Variants in ARHGAP30 observed in about 807,000 individuals in gnomAD.
ARHGAP30 encodes Rho GTPase activating protein 30, also known as rho GTPase-activating protein 30.
Under a neutral mutation model 72.0 loss-of-function variants are expected in ARHGAP30, and 23 were observed. That is an observed-to-expected ratio of 0.32 (90% CI 0.23 to 0.45). The LOEUF (loss-of-function observed/expected upper bound fraction) is 0.45. Among genes scored for constraint, ARHGAP30 ranks in the 20% least tolerant of loss-of-function variants. The pLI is 1.00. For synonymous variants in ARHGAP30, 576 were observed against 528.2 expected (o/e 1.09, Z -1.24); for missense variants, 1,319 against 1,383.4 (o/e 0.95, Z 0.74).
chr1:161,049,370 C>T, intron 11 of ARHGAP30, 36 bp from the exon 12 acceptor site: 1 of 1,600,406 alleles, frequency 6.2e-7, no homozygotes, highest in Non-Finnish European at 8.5e-7. Flanking sequence ...GACCAGGAGG[C>T]CCTGTCCACC....
chr1:161,064,803 G>GAA (rs1341248043), intron 1 of ARHGAP30, among the ~76,000 whole-genome samples: 1 of 63,794 alleles, frequency 1.6e-5, no homozygotes, highest in Admixed American at 1.6e-4. Context: ...AAGAAAGAAA[G>GAA]AAAGAAAGAA....
In ARHGAP30 at chr1:161,056,499, C is replaced by G; in HGVS notation, c.234G>C (p.Leu78=). The G allele has an allele frequency of 6.2e-7, 1 of 1,613,966 alleles. No individual in the cohort carries two copies. The highest frequency in any genetic ancestry group is 8.5e-7 in the Non-Finnish European group (1 of 1,180,000). The change falls in exon 3 of 12, where the codon CTG becomes CTC. Residue 78 remains leucine (L), a synonymous_variant. Coordinates refer to ENST00000368013, the MANE Select transcript of ARHGAP30 (RefSeq NM_001025598.2). ...TGTCTTGGAGGTAAACATCCCGACG[C>G]AGGTCTGGCTTCCGCTCTGACTCAA... ...QEFESERKPD[L]RRDVYLQDIH... is the part of the protein sequence containing the mutation.
In ARHGAP30 at chr1:161,069,658, C is replaced by A; in HGVS notation, c.-34G>T. The A allele has an allele frequency of 6.3e-7, 1 of 1,599,164 alleles. No homozygotes were observed. The highest frequency in any genetic ancestry group is 1.1e-5 in the South Asian group (1 of 90,984). Reference sequence around the variant, plus strand: ...CCCCAGGGCACTGGCCCGGTCACCTCTATCCCCCAAGACCTGTGCCCTACC... The same window carrying A: ...CCCCAGGGCACTGGCCCGGTCACCTATATCCCCCAAGACCTGTGCCCTACC... On this transcript the variant is annotated 5_prime_UTR_variant, in exon 1 of 12. Transcript: ENST00000368013. This position sits in a 1 kb window ranked among gnomAD's most constrained non-coding sequence, Gnocchi z 4.9.
chr1:161,066,285 C>A (rs116732625), intron 1 of ARHGAP30, among the ~76,000 whole-genome samples: 38 of 149,788 alleles, frequency 2.5e-4, no homozygotes, highest in African/African-American at 9.1e-4. Context: ...TTTAAGGAAG[C>A]ACTTATTCTC....
At chr1:161,059,893 A>G (rs1308710316) in intron 1 of ARHGAP30, among the ~76,000 whole-genome samples, 177 bp from the exon 2 acceptor site, 3 of 152,186 alleles carry the variant, frequency 2.0e-5, no homozygotes, top group African/African-American at 7.2e-5. Context: ...CCTCTACAGT[A>G]TCTCTGCTTA....
Position 161,048,488 on chromosome 1 carries a change from C to T in ARHGAP30, c.2533G>A (p.Ala845Thr). 2 of 1,614,154 alleles carry T rather than the reference C, an allele frequency of 1.2e-6. No homozygotes were observed. The highest frequency in any genetic ancestry group is 1.7e-6 in the Non-Finnish European group (2 of 1,180,028). ...CCTCCAGCCCTCTGGTCTCCCTCAGCCTCTCCATCCCCACTCTCCCGTTCC... is the reference window on the plus strand; with the variant it reads ...CCTCCAGCCCTCTGGTCTCCCTCAGTCTCTCCATCCCCACTCTCCCGTTCC... Reference protein sequence around the residue: ...SKERESGDGEAEGDQRAGGYY... With the variant: ...SKERESGDGETEGDQRAGGYY... Residue 845 changes from alanine (A) to threonine (T), a missense_variant, in exon 12 of 12, where the codon GCT becomes ACT. Physicochemically the swap from Ala to Thr is moderately conservative, Grantham distance 58. Transcript: ENST00000368013.
rs1392901281 is a variant in ARHGAP30 at position 161,056,487 on chromosome 1, A to G, written c.246T>C (p.Val82=). 6.2e-7 allele frequency: 1 copy of G among 1,613,898 alleles called. No individual in the cohort carries two copies. Among genetic ancestry groups the G allele is most frequent in the Non-Finnish European group, 8.5e-7 (1 of 1,180,008 alleles). ...AGACGCAGTGAATGTCTTGGAGGTA[A>G]ACATCCCGACGCAGGTCTGGCTTCC... ...SERKPDLRRD[V]YLQDIHCVSS... Residue 82 remains valine (V), a synonymous_variant, in exon 3 of 12, where the codon GTT becomes GTC. Coordinates refer to ENST00000368013, the MANE Select transcript of ARHGAP30 (RefSeq NM_001025598.2).
At chr1:161,064,831 G>GAAAGAAAGAA (rs1231950263) in intron 1 of ARHGAP30, among the ~76,000 whole-genome samples, 4 of 73,834 alleles carry the variant, frequency 5.4e-5, no homozygotes, top group African/African-American at 2.3e-4. Flanking sequence ...AAGAAAGAAA[G>GAAAGAAAGAA]AGAAAGAAAG....
chr1:161,055,157 A>G (rs761560704), intron 3 of ARHGAP30, among the ~76,000 whole-genome samples: 4 of 152,138 alleles, frequency 2.6e-5, no homozygotes, highest in Non-Finnish European at 5.9e-5. Context: ...TTAAAGTGTT[A>G]CTCAATTCAA....
intron 1 of ARHGAP30, among the ~76,000 whole-genome samples, chr1:161,062,755 T>C (rs1652412381): frequency 6.6e-6 from 1 of 151,876 alleles, no homozygotes; most frequent in African/African-American, 2.4e-5. Flanking sequence ...AAGCACATCT[T>C]AAACATAACC....
chr1:161,069,725 GC>G lies in ARHGAP30; in HGVS notation c.-102del. 7.5e-7 allele frequency: 1 copy of G among 1,327,432 alleles called. No homozygotes were observed. The highest frequency in any genetic ancestry group is 1.1e-6 in the Non-Finnish European group (1 of 950,936). The allele number at this position is 1,327,432 out of a possible 1,614,324, so 82.2% of individuals were successfully genotyped here. A position where few individuals can be genotyped will look rare whatever the true frequency, so the allele number is the denominator to read the frequency against. The stretch of plus-strand genomic sequence containing the variant: ...CCAGCCAGCTGCTGGGCTTGGCCCG[GC>G]CCCAGGGGGGCAGGGCTCCCAATTG... On this transcript the variant is annotated 5_prime_UTR_variant, in exon 1 of 12. Transcript: ENST00000368013. This position sits in a 1 kb window ranked among gnomAD's most constrained non-coding sequence, Gnocchi z 4.9.
At chr1:161,060,247 G>T (rs1382066548) in intron 1 of ARHGAP30, 1 of 448,724 alleles carries the variant, frequency 2.2e-6, no homozygotes, top group African/African-American at 2.1e-5. Flanking sequence ...GGCCTGCTGG[G>T]TAACAGAGTG....
chr1:161,068,165 G>A (rs1652899897), intron 1 of ARHGAP30, among the ~76,000 whole-genome samples: 1 of 152,168 alleles, frequency 6.6e-6, no homozygotes, highest in African/African-American at 2.4e-5. Flanking sequence ...GCTGAACTGA[G>A]GGTTTGCATT....
intron 1 of ARHGAP30, among the ~76,000 whole-genome samples, chr1:161,062,784 T>C (rs1392803145): frequency 1.3e-5 from 2 of 152,018 alleles, no homozygotes; most frequent in African/African-American, 4.8e-5. Flanking sequence ...CAAACCTTTT[T>C]CTTATATCTA....
At chr1:161,066,529 A>G (rs965227001) in intron 1 of ARHGAP30, among the ~76,000 whole-genome samples, 1 of 150,934 alleles carries the variant, frequency 6.6e-6, no homozygotes, top group African/African-American at 2.4e-5. Flanking sequence ...CTGTAGTCCC[A>G]GCTACTCGAG....
In ARHGAP30 at chr1:161,051,294, G is replaced by A; in HGVS notation, c.1420+20C>T. ...GTTCCAGTCCCCTTTCCTAGTCTTG[G>A]TCAATCAATGGGTCCTCACCTGGGG... On this transcript the variant is annotated intron_variant, in intron 10 of 11. Coordinates refer to ENST00000368013, the MANE Select transcript of ARHGAP30 (RefSeq NM_001025598.2). The A allele has an allele frequency of 6.4e-7, 1 of 1,554,896 alleles. No individual in the cohort carries two copies. Among genetic ancestry groups the A allele is most frequent in the Non-Finnish European group, 8.7e-7 (1 of 1,152,660 alleles).
intron 1 of ARHGAP30, among the ~76,000 whole-genome samples, chr1:161,065,735 T>G (rs969668816): frequency 1.4e-4 from 21 of 151,858 alleles, no homozygotes; most frequent in African/African-American, 5.1e-4. Flanking sequence ...CCCGGCTAAT[T>G]TTTATATTTC....
At chr1:161,054,040 C>T (rs1651646165) in intron 5 of ARHGAP30, among the ~76,000 whole-genome samples, 1 of 152,142 alleles carries the variant, frequency 6.6e-6, no homozygotes, top group Non-Finnish European at 1.5e-5. Flanking sequence ...TGCTCTCCAG[C>T]CTGGGCAACA....
intron 1 of ARHGAP30, among the ~76,000 whole-genome samples, chr1:161,065,617 A>G (rs1380559880): frequency 1.5e-5 from 2 of 136,150 alleles, no homozygotes; most frequent in South Asian, 2.3e-4. Flanking sequence ...CAGGCTGGAG[A>G]GTGCAATGGC....
Sources: allele counts gnomAD v4.1 joint callset (sites outside exome capture counted in the v4.1 genomes callset), GRCh38; gene constraint gnomAD v4.1.1; non-coding constraint Gnocchi (gnomAD v3.1); transcripts MANE v1.5; gene names NCBI Gene and HGNC (gene_info 2026-07-23, HGNC 2026-07-21).